DIAPH2: variants seen among roughly 807,000 people sequenced by gnomAD.
The protein encoded by DIAPH2 is diaphanous related formin 2.
A neutral mutation model predicts 92.7 loss-of-function variants in DIAPH2; 35 were observed. That is an observed-to-expected ratio of 0.38 (90% confidence interval 0.29 to 0.50). DIAPH2 has a LOEUF of 0.50. Among genes scored for constraint, DIAPH2 ranks in the 20% least tolerant of loss-of-function variants. The pLI is 0.94. For missense variants in DIAPH2, 701 were observed against 819.5 expected, an observed-to-expected ratio of 0.86 and a Z score of 1.77; for synonymous variants, 301 against 280.4, an observed-to-expected ratio of 1.07 and a Z score of -0.73.
chrX:97,579,483 G>T (rs1331053115), intron 26 of DIAPH2, among the ~76,000 whole-genome samples: 76 of 109,833 alleles, frequency 6.9e-4, no homozygotes, highest in African/African-American at 2.5e-3. Flanking sequence ...GTTGTAGATA[G>T]GCGGCGTTAT....
intron 23 of DIAPH2, among the ~76,000 whole-genome samples, chrX:97,264,653 C>A (rs1186419880): frequency 1.8e-5 from 2 of 112,226 alleles, no homozygotes; most frequent in Non-Finnish European, 3.8e-5. Context: ...AACTTCTTAC[C>A]CTCAAGGAAT....
At chrX:97,171,594 A>G (rs754385068) in intron 22 of DIAPH2, among the ~76,000 whole-genome samples, 5 of 112,100 alleles carry the variant, frequency 4.5e-5, no homozygotes, top group Non-Finnish European at 9.4e-5. Flanking sequence ...TCCATAGAAA[A>G]GATATGGGTA....
At chrX:97,078,813 G>T (rs1480505273) in intron 19 of DIAPH2, among the ~76,000 whole-genome samples, 1 of 111,274 alleles carries the variant, frequency 9.0e-6, no homozygotes, top group African/African-American at 3.3e-5. Context: ...CCTGGAAGAA[G>T]TGTTCTAGAC....
chrX:96,919,458 A>G (rs762806987), intron 9 of DIAPH2, among the ~76,000 whole-genome samples: 1 of 111,400 alleles, frequency 9.0e-6, no homozygotes, highest in Non-Finnish European at 1.9e-5. Flanking sequence ...AATGCATACC[A>G]TTTAATGTAC....
intron 26 of DIAPH2, among the ~76,000 whole-genome samples, chrX:97,546,117 C>T (rs149867071): frequency 0.011 from 1,226 of 110,745 alleles, 24 homozygotes; most frequent in African/African-American, 0.038. Context: ...AATTGATTTG[C>T]ATGAGGTTTA....
At chrX:96,802,607 G>T (rs2064591310) in intron 4 of DIAPH2, among the ~76,000 whole-genome samples, 1 of 111,158 alleles carries the variant, frequency 9.0e-6, no homozygotes, top group Non-Finnish European at 1.9e-5. Context: ...CTCATGATAG[G>T]GTATATATAT....
At chrX:97,597,745 T>G (rs756230756) in intron 26 of DIAPH2, among the ~76,000 whole-genome samples, 3 of 112,041 alleles carry the variant, frequency 2.7e-5, no homozygotes, top group African/African-American at 9.7e-5. Context: ...AGTCCTTTAT[T>G]CGGGAATGTT....
intron 17 of DIAPH2, among the ~76,000 whole-genome samples, chrX:97,051,565 CAG>C (rs2066520856): frequency 9.5e-6 from 1 of 105,607 alleles, no homozygotes; most frequent in South Asian, 4.2e-4. Flanking sequence ...TTTAACAGCT[CAG>C]AGGATATATT....
intron 17 of DIAPH2, among the ~76,000 whole-genome samples, chrX:97,026,656 C>CTGTCCT (rs1186468405): frequency 8.9e-6 from 1 of 112,328 alleles, no homozygotes; most frequent in East Asian, 2.8e-4. Context: ...TGCCTTCTTC[C>CTGTCCT]TGTCCTTGTT....
chrX:96,712,384 C>G (rs1383998991), intron 1 of DIAPH2, among the ~76,000 whole-genome samples: 1 of 110,335 alleles, frequency 9.1e-6, no homozygotes, highest in Non-Finnish European at 1.9e-5. Flanking sequence ...TATCAAAGTA[C>G]CATATGTACA....
chrX:97,588,996 A>ATATATATATATAT (rs2071496603), intron 26 of DIAPH2, among the ~76,000 whole-genome samples: 1 of 31,721 alleles, frequency 3.2e-5, no homozygotes, highest in Non-Finnish European at 6.5e-5. Context: ...ATATTATAGA[A>ATATATATATATAT]ATATATATAT....
intron 26 of DIAPH2, among the ~76,000 whole-genome samples, chrX:97,569,856 C>T (rs902211001): frequency 8.5e-5 from 9 of 105,613 alleles, no homozygotes; most frequent in East Asian, 3.0e-4. Context: ...TGGTTCATTA[C>T]GTTATGTCCC....
At chrX:97,369,062 C>G (rs2069415063) in intron 24 of DIAPH2, among the ~76,000 whole-genome samples, 1 of 109,856 alleles carries the variant, frequency 9.1e-6, no homozygotes, top group African/African-American at 3.3e-5. Context: ...CATGCACAAC[C>G]ACGCCTGGCT....
intron 17 of DIAPH2, among the ~76,000 whole-genome samples, chrX:97,023,427 C>T (rs1425613715): frequency 3.6e-5 from 4 of 111,593 alleles, no homozygotes; most frequent in African/African-American, 9.8e-5. Flanking sequence ...GTGTTTAATG[C>T]ACCTGGACTA....
chrX:97,478,175 C>T (rs1275033219), intron 26 of DIAPH2, among the ~76,000 whole-genome samples: 4 of 111,757 alleles, frequency 3.6e-5, no homozygotes, highest in Admixed American at 1.9e-4. Context: ...ATTGTGTAAT[C>T]GTCCCCATAG....
intron 22 of DIAPH2, among the ~76,000 whole-genome samples, chrX:97,213,565 C>T (rs773105187): frequency 9.8e-5 from 11 of 111,858 alleles, no homozygotes; most frequent in African/African-American, 3.6e-4. Flanking sequence ...TTTGCTTTAT[C>T]AGATACTAAG....
In DIAPH2 at chrX:96,984,087, T is replaced by C. The variant is rs1298142048; in HGVS notation, c.2050+18880T>C. ...TAATTTAGTATTTATGTGGTATATG[T>C]AGCTTCTTTCAGTTATCTGTTTTAA... On this transcript the variant is annotated intron_variant, in intron 17 of 26. Coordinates refer to ENST00000324765, the MANE Select transcript of DIAPH2 (RefSeq NM_006729.5). Among the ~76,000 whole-genome samples the C allele has an allele frequency of 2.7e-5, 3 of 112,150 alleles. No individual in the cohort carries two copies. The East Asian group carries it at 8.3e-4, about 31-fold the overall frequency.
intron 19 of DIAPH2, among the ~76,000 whole-genome samples, chrX:97,092,227 TA>T (rs1415567108): frequency 8.9e-6 from 1 of 112,509 alleles, no homozygotes; most frequent in Non-Finnish European, 1.9e-5. Context: ...CTTGCCAAGT[TA>T]GCTTTTCATC....
At chrX:96,835,839 G>A (rs1467066008) in intron 4 of DIAPH2, among the ~76,000 whole-genome samples, 1 of 110,679 alleles carries the variant, frequency 9.0e-6, no homozygotes, top group Non-Finnish European at 1.9e-5. Flanking sequence ...TTGAGGCAGA[G>A]TCTCACTCCA....
Sources: gnomAD v4.1 joint callset for allele counts (sites outside exome capture counted in the v4.1 genomes callset) on GRCh38, gnomAD v4.1.1 for gene constraint, MANE v1.5 for transcripts, NCBI Gene and HGNC (gene_info 2026-07-23, HGNC 2026-07-21) for gene names.